Variants in C2 observed in about 807,000 individuals in gnomAD.
C2 encodes the protein C3/C5 convertase.
In C2, 64 loss-of-function variants were observed where a neutral mutation model predicts 85.2. The ratio of observed to expected loss-of-function variants is 0.75; its 90% CI spans 0.61 to 0.92. The LOEUF (loss-of-function observed/expected upper bound fraction) is 0.92, where lower values mean the gene tolerates loss of function less well. C2 is among the 40% of genes least tolerant of loss of function. C2 has a pLI of 0.00. For synonymous variants in C2, 311 were observed against 370.8 expected (o/e 0.84, Z 1.85); for missense variants, 820 against 971.6 (o/e 0.84, Z 2.07).
upstream of C2, among the ~76,000 whole-genome samples, chr6:31,927,196 A>G (rs2151738227): frequency 6.6e-6 from 1 of 152,384 alleles, no homozygotes; most frequent in Admixed American, 6.5e-5. This position sits in a 1 kb window ranked among gnomAD's most constrained non-coding sequence, Gnocchi z 4.7. Context: ...TTCTAAAAAA[A>G]TTAGTTTCAC....
chr6:31,906,634 T>C (rs1767731294), intron 1 of C2, among the ~76,000 whole-genome samples: 1 of 151,864 alleles, frequency 6.6e-6, no homozygotes. Flanking sequence ...CCAAGTCTGC[T>C]CTGCTACCCT....
At chr6:31,910,485 C>T (rs1432044346) in intron 1 of C2, among the ~76,000 whole-genome samples, 3 of 151,856 alleles carry the variant, frequency 2.0e-5, no homozygotes, top group African/African-American at 7.3e-5. Context: ...CACGCCACCA[C>T]ACCCAGCTAA....
chr6:31,900,421 C>T, upstream of C2: 1 of 1,550,854 alleles, frequency 6.4e-7, no homozygotes, highest in Non-Finnish European at 8.7e-7. The surrounding 1 kb of genome is among the most constrained non-coding windows in gnomAD (Gnocchi z 9.7). Context: ...CTGCTGCTTC[C>T]ACCAGGCCCG....
intron 7 of C2, 113 bp from the exon 8 acceptor site, chr6:31,937,206 C>CAA (rs9279478): frequency 0.029 from 29,527 of 1,013,768 alleles, 47 homozygotes; most frequent in Middle Eastern, 0.034. Flanking sequence ...GAGACTCTCT[C>CAA]AAAAAAAAAA....
chr6:31,938,602 G>A (rs1470422726), intron 8 of C2, among the ~76,000 whole-genome samples: 3 of 150,488 alleles, frequency 2.0e-5, no homozygotes, highest in Non-Finnish European at 4.4e-5. Flanking sequence ...AGCAATTCTC[G>A]TGCCTCAGCC....
Position 31,903,147 on chromosome 6 carries a change from C to A in C2, c.73+2008C>A, listed in dbSNP as rs547616670. 2.6e-5 allele frequency among the ~76,000 whole-genome samples: 4 copies of A among 152,330 alleles called. No individual in the cohort carries two copies. In the South Asian group the frequency reaches 6.2e-4, roughly 24 times the overall value. On this transcript the variant is annotated intron_variant, in intron 1 of 3. Transcript: ENST00000452202. ...CACCCACTTCCCCACCTATCCAAGTCCGCGTGAAGATGCCACTGTTTCCTG... is the reference window on the plus strand; with the variant it reads ...CACCCACTTCCCCACCTATCCAAGTACGCGTGAAGATGCCACTGTTTCCTG...
chr6:31,924,326 T>C (rs1769147573), upstream of C2, among the ~76,000 whole-genome samples: 1 of 152,200 alleles, frequency 6.6e-6, no homozygotes, highest in African/African-American at 2.4e-5. Flanking sequence ...TGAGCATAAG[T>C]GGTCCAGGTC....
In C2 at chr6:31,904,806, CA is replaced by C. The variant is rs956210674; in HGVS notation, c.73+3668del. Among the ~76,000 whole-genome samples the C allele has an allele frequency of 4.7e-5, 2 of 42,716 alleles. No homozygotes were observed. The highest frequency in any genetic ancestry group is 4.8e-4 in the African/African-American group (2 of 4,158). The allele number at this position is 42,716 out of a possible 152,430, so 28.0% of individuals were successfully genotyped here. On this transcript the variant is annotated intron_variant, in intron 1 of 3. Transcript: ENST00000452202. The surrounding 1 kb of genome is among the most constrained non-coding windows in gnomAD (Gnocchi z 4.4). ...TTCCTTTCTAGGAATGTAGATGGGA[CA>C]GGGGGCCTAACTCAGCCCATGGCTC...
upstream of C2, among the ~76,000 whole-genome samples, chr6:31,899,055 G>A (rs755615455): frequency 6.6e-6 from 1 of 151,720 alleles, no homozygotes; most frequent in Non-Finnish European, 1.5e-5. Context: ...ACACGCAGTT[G>A]CCAGAGTGTA....
At position 31,944,599 on chromosome 6, in the gene C2, T is replaced by C. The variant is rs867547119; in HGVS notation, c.1903-128T>C. ...TTTCGCCATGTTGGCCAGGATGGTC[T>C]TGAACTCCTGACCTCAAGTGATCTG... On this transcript the variant is annotated intron_variant, in intron 15 of 17. Coordinates refer to ENST00000299367, the MANE Select transcript of C2 (RefSeq NM_000063.6). The surrounding 1 kb of genome is among the most constrained non-coding windows in gnomAD (Gnocchi z 5.1). 1 of 1,042,964 alleles carries C rather than the reference T, an allele frequency of 9.6e-7. No homozygotes were observed. The highest frequency in any genetic ancestry group is 1.3e-5 in the South Asian group (1 of 78,658). 64.6% of individuals were successfully genotyped at this position (1,042,964 alleles called of 1,614,324 possible).
chr6:31,900,262 C>G, upstream of C2: 6 of 1,613,674 alleles, frequency 3.7e-6, no homozygotes, highest in Non-Finnish European at 5.1e-6. This position sits in a 1 kb window ranked among gnomAD's most constrained non-coding sequence, Gnocchi z 9.7. Flanking sequence ...TGTGGAAGAC[C>G]AGCTTCTCCA....
At chr6:31,939,070 A>C (rs1355802931) in intron 8 of C2, among the ~76,000 whole-genome samples, 161 bp from the exon 9 acceptor site, 1 of 152,206 alleles carries the variant, frequency 6.6e-6, no homozygotes, top group Admixed American at 6.5e-5. Context: ...AAGTGCTAGG[A>C]TTACAGGTGT....
chr6:31,944,028 G>T lies in C2; in HGVS notation c.1810+35G>T. 6.2e-7 allele frequency: 1 copy of T among 1,608,928 alleles called. No homozygotes were observed. The highest frequency in any genetic ancestry group is 8.5e-7 in the Non-Finnish European group (1 of 1,176,286). The stretch of plus-strand genomic sequence containing the variant: ...GGGACTTATGGTGCTTGAGAGCTGG[G>T]GCCGGGGTTTGGGGGTGATAACAAG... On this transcript the variant is annotated intron_variant, in intron 14 of 17. Coordinates refer to ENST00000299367, the MANE Select transcript of C2 (RefSeq NM_000063.6). This position sits in a 1 kb window ranked among gnomAD's most constrained non-coding sequence, Gnocchi z 5.1.
chr6:31,918,882 C>CAAAA (rs9281625), upstream of C2, among the ~76,000 whole-genome samples: 13 of 74,380 alleles, frequency 1.7e-4, no homozygotes, highest in Non-Finnish European at 2.7e-4. Flanking sequence ...GACTCTGTCT[C>CAAAA]AAAAAAAAAA....
intron 1 of C2, among the ~76,000 whole-genome samples, chr6:31,912,108 T>TGCTGTCTGTCTGTGGACC (rs1428684058): frequency 6.6e-6 from 1 of 152,136 alleles, no homozygotes; most frequent in Non-Finnish European, 1.5e-5. Context: ...CTGATGCTGA[T>TGCTGTCTGTCTGTGGACC]GCTGTCTGTC....
At chr6:31,899,930 C>T (rs1297808632), upstream of C2, 3 of 1,577,360 alleles carry the variant, frequency 1.9e-6, no homozygotes, top group Non-Finnish European at 2.6e-6. Flanking sequence ...GCGCGGCTAG[C>T]GGATGAGGAC....
upstream of C2, among the ~76,000 whole-genome samples, chr6:31,916,579 G>A (rs1401772377): frequency 1.6e-5 from 2 of 124,230 alleles, no homozygotes; most frequent in Non-Finnish European, 3.4e-5. Flanking sequence ...AAAAAAAAAA[G>A]AGTGATGTCA....
intron 1 of C2, chr6:31,901,420 G>T: frequency 8.8e-7 from 1 of 1,140,358 alleles, no homozygotes; most frequent in Non-Finnish European, 1.2e-6. Flanking sequence ...CAGCCCCCCG[G>T]CATCCGATCT....
Position 31,943,726 on chromosome 6 carries a change from G to A in C2, c.1650G>A (p.Lys550=), listed in dbSNP as rs1771095324. Residue 550 remains lysine, a synonymous_variant, in exon 13 of 18, where the codon AAG becomes AAA. Transcript: ENST00000299367. The surrounding 1 kb of genome is among the most constrained non-coding windows in gnomAD (Gnocchi z 6.4). Reference sequence around the variant, plus strand: ...CAGGGTTTGATGTCTTTGCCAAAAAGAACCAGGGAATCCTGGAGTTCTATG... The same window carrying A: ...CAGGGTTTGATGTCTTTGCCAAAAAAAACCAGGGAATCCTGGAGTTCTATG... ...ISPGFDVFAK[K]NQGILEFYGD... 1.2e-6 allele frequency: 2 copies of A among 1,613,060 alleles called. No homozygotes were observed.
Sources: allele counts gnomAD v4.1 joint callset (sites outside exome capture counted in the v4.1 genomes callset), GRCh38; gene constraint gnomAD v4.1.1; non-coding constraint Gnocchi (gnomAD v3.1); transcripts MANE v1.5; gene names NCBI Gene and HGNC (gene_info 2026-07-23, HGNC 2026-07-21).